Variants in TMEM131L observed in about 807,000 individuals in gnomAD.
TMEM131L encodes transmembrane protein 131-like.
Under a neutral mutation model 192.2 loss-of-function variants are expected in TMEM131L, and 54 were observed. The observed-to-expected ratio is 0.28, with a 90% CI of 0.23 to 0.35. The LOEUF is 0.35. TMEM131L is among the 10% of genes least tolerant of loss of function. TMEM131L has a pLI of 1.00. For synonymous variants in TMEM131L, 701 were observed against 704.9 expected, an observed-to-expected ratio of 0.99 and a Z score of 0.09; for missense variants, 1,888 against 1,972.9, an observed-to-expected ratio of 0.96 and a Z score of 0.82.
intron 3 of TMEM131L, among the ~76,000 whole-genome samples, chr4:153,528,885 A>G (rs1183766558): frequency 6.6e-6 from 1 of 152,188 alleles, no homozygotes; most frequent in East Asian, 1.9e-4. Context: ...CTGACCATGC[A>G]CAGTGTATGG....
In TMEM131L at chr4:153,558,274, C is replaced by T; in HGVS notation, c.566C>T (p.Thr189Ile). 6.3e-7 allele frequency: 1 copy of T among 1,589,320 alleles called. No individual in the cohort carries two copies. Among genetic ancestry groups the T allele is most frequent in the Middle Eastern group, 1.7e-4 (1 of 5,982 alleles). ...TTTCCGCAGGTATCTGGAATTGGCA[C>T]TCGTAGAATCTCTACAGAAGGGTCT... ...VLSYHVSGIG[T>I]RRISTEGSAK... The change falls in exon 7 of 35, where the codon ACT becomes ATT. Residue 189 changes from threonine (T) to isoleucine (I), a missense_variant. Coordinates refer to ENST00000409959, the MANE Select transcript of TMEM131L (RefSeq NM_001131007.2).
At chr4:153,623,194 G>A in intron 29 of TMEM131L, 111 bp downstream of exon 29, 1 of 973,092 alleles carries the variant, frequency 1.0e-6, no homozygotes, top group Non-Finnish European at 1.4e-6. Context: ...GGACAGATGG[G>A]ACAGTGGCCT....
chr4:153,593,227 G>A (rs916256726), intron 18 of TMEM131L, among the ~76,000 whole-genome samples: 3 of 151,804 alleles, frequency 2.0e-5, no homozygotes, highest in South Asian at 2.1e-4. Flanking sequence ...CCAGCTTCTC[G>A]TTTAGTAAGA....
intron 3 of TMEM131L, among the ~76,000 whole-genome samples, chr4:153,478,013 T>C (rs1469400356): frequency 2.0e-5 from 3 of 152,236 alleles, no homozygotes; most frequent in Admixed American, 6.5e-5. Context: ...ACTCAGTACA[T>C]CATAGTTCAC....
At chr4:153,475,851 T>C (rs1731496169) in intron 3 of TMEM131L, among the ~76,000 whole-genome samples, 1 of 152,366 alleles carries the variant, frequency 6.6e-6, no homozygotes, top group South Asian at 2.1e-4. Flanking sequence ...GCAAATACTA[T>C]ATACCATTTT....
At chr4:153,559,044 G>T (rs1287824892) in intron 7 of TMEM131L, among the ~76,000 whole-genome samples, 1 of 152,094 alleles carries the variant, frequency 6.6e-6, no homozygotes, top group Non-Finnish European at 1.5e-5. Context: ...TCTTCTTTCT[G>T]ATTGGTAAAT....
At chr4:153,579,153 G>A (rs181027601) in intron 7 of TMEM131L, among the ~76,000 whole-genome samples, 2 of 151,788 alleles carry the variant, frequency 1.3e-5, no homozygotes, top group African/African-American at 4.8e-5. Context: ...TTGAGCCCAG[G>A]AGTTCAAAAC....
At position 153,556,975 on chromosome 4, in the gene TMEM131L, G is replaced by T; in HGVS notation, c.442G>T (p.Ala148Ser). ...VPPVPCRVIP[A>S]MGKTSFRIIF... ...GGGACCTTTCTTTCAGGTAATTCCA[G>T]CAATGGGGAAAACTTCCTTCAGAAT... is the stretch of plus-strand genomic sequence containing the variant. The change falls in exon 6 of 35, where the codon GCA (alanine) becomes TCA (serine). Residue 148 changes from alanine (A) to serine (S), a missense_variant. Coordinates refer to ENST00000409959, the MANE Select transcript of TMEM131L (RefSeq NM_001131007.2). 1 of 1,574,166 alleles carries T rather than the reference G, an allele frequency of 6.4e-7. No homozygotes were observed. Among genetic ancestry groups the T allele is most frequent in the Non-Finnish European group, 8.7e-7 (1 of 1,147,102 alleles).
At position 153,580,857 on chromosome 4, in the gene TMEM131L, T is replaced by G; in HGVS notation, c.692T>G (p.Val231Gly). Residue 231 changes from valine (V) to glycine (G), a missense_variant, in exon 8 of 35, where the codon GTG becomes GGG. Val to Gly is a moderately radical substitution (Grantham distance 109). Coordinates refer to ENST00000409959, the MANE Select transcript of TMEM131L (RefSeq NM_001131007.2). ...ACCACTAATACTAGCCTCTTGCAGG[T>G]GCAACTGGAATGCAGTTTACATAAT... The part of the protein sequence containing the change: ...AETTNTSLLQ[V>G]QLECSLHNKV... 1 of 1,613,070 alleles carries G rather than the reference T, an allele frequency of 6.2e-7. No individual in the cohort carries two copies. Among genetic ancestry groups the G allele is most frequent in the Non-Finnish European group, 8.5e-7 (1 of 1,179,070 alleles).
intron 26 of TMEM131L, among the ~76,000 whole-genome samples, chr4:153,614,453 C>A (rs1732835312): frequency 1.3e-5 from 2 of 152,024 alleles, no homozygotes. Context: ...AGGATTTGGC[C>A]TGACGATTGC....
Position 153,488,909 on chromosome 4 carries a change from A to G in TMEM131L, c.239+15021A>G, listed in dbSNP as rs368204982. Among the ~76,000 whole-genome samples the G allele has an allele frequency of 9.2e-4, 140 of 152,100 alleles. 1 individual carries two copies. The highest frequency in any genetic ancestry group is 3.3e-3 in the African/African-American group (136 of 41,468). ...CTGCGGCACTCCAGTCTCTTGTCGC[A>G]CAGCGCTCTCCCTGGGTGTCTCCGT... On this transcript the variant is annotated intron_variant, in intron 3 of 34. Coordinates refer to ENST00000409959, the MANE Select transcript of TMEM131L (RefSeq NM_001131007.2).
At position 153,555,153 on chromosome 4, in the gene TMEM131L, C is replaced by T. The variant is rs768554318; in HGVS notation, c.309-634C>T. Among the ~76,000 whole-genome samples, 21 of 152,072 alleles carry T rather than the reference C, an allele frequency of 1.4e-4. No homozygotes were observed. Among genetic ancestry groups the T allele is most frequent in the Non-Finnish European group, 2.6e-4 (18 of 68,010 alleles). On this transcript the variant is annotated intron_variant, in intron 4 of 34. Coordinates refer to ENST00000409959, the MANE Select transcript of TMEM131L (RefSeq NM_001131007.2). The surrounding 1 kb of genome is among the most constrained non-coding windows in gnomAD (Gnocchi z 4.1). Reference sequence around the variant, plus strand: ...GAGAACCTCTGCTGCAAAGTGCTGCCGGATTTTCAGTTTTCTCAAAAGAAT... The same window carrying T: ...GAGAACCTCTGCTGCAAAGTGCTGCTGGATTTTCAGTTTTCTCAAAAGAAT...
At chr4:153,543,242 T>A (rs1736927099) in intron 3 of TMEM131L, among the ~76,000 whole-genome samples, 1 of 152,230 alleles carries the variant, frequency 6.6e-6, no homozygotes, top group South Asian at 2.1e-4. Flanking sequence ...TAAATGGTTC[T>A]TTTCAAGTAG....
chr4:153,535,599 ATAAT>A (rs1359746708), intron 3 of TMEM131L, among the ~76,000 whole-genome samples: 1 of 152,192 alleles, frequency 6.6e-6, no homozygotes, highest in African/African-American at 2.4e-5. Flanking sequence ...TAGCTTTTAA[ATAAT>A]TTATTAATGT....
At chr4:153,584,764 T>C (rs538531087) in intron 11 of TMEM131L, 71 bp from the exon 12 acceptor site, 1 of 1,004,436 alleles carries the variant, frequency 1.0e-6, no homozygotes. Flanking sequence ...AAATAAGACA[T>C]ATATCTTTTG....
rs750139347 is a variant in TMEM131L at position 153,636,482 on chromosome 4, G to A, written c.4739G>A (p.Arg1580His). ...KEYYPGFNPF[R>H]AYMNLDIWTT... ...TACTACCCGGGGTTCAACCCGTTTC[G>A]CGCCTATATGAACCTGGACATATGG... Residue 1580 changes from arginine (R) to histidine (H), a missense_variant, in exon 35 of 35, where the codon CGC becomes CAC. Coordinates refer to ENST00000409959, the MANE Select transcript of TMEM131L (RefSeq NM_001131007.2). 2.0e-5 allele frequency: 32 copies of A among 1,614,046 alleles called. No homozygotes were observed. Among genetic ancestry groups the A allele is most frequent in the East Asian group, 1.3e-4 (6 of 44,896 alleles).
chr4:153,550,583 C>T lies in TMEM131L; in HGVS notation c.308+442C>T, dbSNP rs148100065. ...CTTCGTGATCCGCCCGCCTCGGCCTCCCAAAGTGCTGGGATTACAGGCGCG... is the reference window on the plus strand; with the variant it reads ...CTTCGTGATCCGCCCGCCTCGGCCTTCCAAAGTGCTGGGATTACAGGCGCG... On this transcript the variant is annotated intron_variant, in intron 4 of 34. Coordinates refer to ENST00000409959, the MANE Select transcript of TMEM131L (RefSeq NM_001131007.2). 4.7e-3 allele frequency among the ~76,000 whole-genome samples: 712 copies of T among 152,330 alleles called. 2 individuals are homozygous for T. Among genetic ancestry groups the T allele is most frequent in the Admixed American group, 8.2e-3 (126 of 15,308 alleles).
intron 16 of TMEM131L, 44 bp downstream of exon 16, chr4:153,589,051 A>G (rs1477185912): frequency 9.8e-7 from 1 of 1,019,356 alleles, no homozygotes; most frequent in Non-Finnish European, 1.6e-6. Context: ...GTGGGGAGAC[A>G]CTGTTACAGT....
chr4:153,532,460 G>A (rs985262523), intron 3 of TMEM131L, among the ~76,000 whole-genome samples: 12 of 146,952 alleles, frequency 8.2e-5, no homozygotes, highest in African/African-American at 2.5e-4. Context: ...AAAAAAAAAA[G>A]CTTTATTGAG....
Sources: allele counts gnomAD v4.1 joint callset (sites outside exome capture counted in the v4.1 genomes callset), GRCh38; gene constraint gnomAD v4.1.1; non-coding constraint Gnocchi (gnomAD v3.1); transcripts MANE v1.5; gene names NCBI Gene and HGNC (gene_info 2026-07-23, HGNC 2026-07-21).